Variants in TMEM132C observed in about 807,000 individuals in gnomAD.
TMEM132C encodes transmembrane protein 132C, also known as protein phosphatase 1, regulatory subunit 152.
Under a neutral mutation model 61.4 loss-of-function variants are expected in TMEM132C, and 29 were observed. That is an observed-to-expected ratio of 0.47 (90% confidence interval 0.35 to 0.64). TMEM132C has a LOEUF of 0.64. Among genes scored for constraint, TMEM132C ranks in the 30% least tolerant of loss-of-function variants. TMEM132C has a pLI of 0.00. For missense variants in TMEM132C, 1,408 were observed against 1,476.9 expected (o/e 0.95, Z 0.76); for synonymous variants, 656 against 633.1 (o/e 1.04, Z -0.54).
At chr12:128,412,304 C>A (rs1868586513) in intron 1 of TMEM132C, among the ~76,000 whole-genome samples, 1 of 152,208 alleles carries the variant, frequency 6.6e-6, no homozygotes, top group Non-Finnish European at 1.5e-5. Context: ...TTCTCCCCAT[C>A]TTCAGCCCCC....
chr12:128,584,024 G>A (rs1482875408), intron 3 of TMEM132C, among the ~76,000 whole-genome samples: 2 of 152,222 alleles, frequency 1.3e-5, no homozygotes, highest in African/African-American at 4.8e-5. Context: ...TGCTGGCTGT[G>A]CATTTCAGGT....
chr12:128,669,307 C>A, intron 4 of TMEM132C, 110 bp from the exon 5 acceptor site: 1 of 1,338,958 alleles, frequency 7.5e-7, no homozygotes, highest in Non-Finnish European at 1.0e-6. Flanking sequence ...GTGTCTTGTA[C>A]AAACAAGGAC....
intron 1 of TMEM132C, among the ~76,000 whole-genome samples, chr12:128,321,750 G>C (rs1872341970): frequency 6.6e-6 from 1 of 152,120 alleles, no homozygotes; most frequent in Non-Finnish European, 1.5e-5. Flanking sequence ...GGAGAAACTG[G>C]GTAGAGAGTC....
intron 1 of TMEM132C, among the ~76,000 whole-genome samples, chr12:128,347,668 T>C (rs1428956854): frequency 1.3e-5 from 2 of 152,202 alleles, no homozygotes; most frequent in East Asian, 3.9e-4. Context: ...GGTCAGGTGA[T>C]CCACCCGCCT....
At chr12:128,594,878 A>C (rs542839255) in intron 3 of TMEM132C, among the ~76,000 whole-genome samples, 3 of 152,258 alleles carry the variant, frequency 2.0e-5, no homozygotes, top group Admixed American at 2.0e-4. Flanking sequence ...GCTTTTTCTA[A>C]ATTGGAGGTC....
intron 1 of TMEM132C, among the ~76,000 whole-genome samples, chr12:128,359,405 G>T (rs1873625123): frequency 6.6e-6 from 1 of 152,068 alleles, no homozygotes. Context: ...CCAGCATGGG[G>T]GAAACTGCCT....
intron 1 of TMEM132C, among the ~76,000 whole-genome samples, chr12:128,346,678 G>C (rs931601371): frequency 1.3e-5 from 2 of 152,102 alleles, no homozygotes. Context: ...ATGGGAATAG[G>C]TTCCTGATTT....
intron 5 of TMEM132C, among the ~76,000 whole-genome samples, chr12:128,675,477 T>A (rs1291370534): frequency 2.0e-5 from 3 of 152,258 alleles, no homozygotes; most frequent in African/African-American, 7.2e-5. Flanking sequence ...ATTCAAATTT[T>A]GCTTAACATT....
chr12:128,478,994 A>G (rs879523074), intron 2 of TMEM132C, among the ~76,000 whole-genome samples: 4 of 152,242 alleles, frequency 2.6e-5, no homozygotes, highest in Admixed American at 2.6e-4. Context: ...AAACCAAATC[A>G]TCCAGGATCT....
intron 2 of TMEM132C, among the ~76,000 whole-genome samples, chr12:128,522,413 T>G (rs1872937321): frequency 6.6e-6 from 1 of 152,264 alleles, no homozygotes. Context: ...CTGCCTTCTC[T>G]GCAGTTGTCC....
intron 1 of TMEM132C, among the ~76,000 whole-genome samples, chr12:128,325,982 C>T (rs561644380): frequency 6.1e-4 from 93 of 152,108 alleles, no homozygotes; most frequent in Non-Finnish European, 8.1e-4. Flanking sequence ...TCGTTGCACA[C>T]GTGCGGAGGT....
chr12:128,356,448 A>C (rs1873507924), intron 1 of TMEM132C, among the ~76,000 whole-genome samples: 1 of 152,224 alleles, frequency 6.6e-6, no homozygotes, highest in African/African-American at 2.4e-5. Context: ...ACCTGCAGAA[A>C]CATAATATTA....
intron 1 of TMEM132C, among the ~76,000 whole-genome samples, chr12:128,380,734 G>A (rs1822463090): frequency 1.3e-5 from 2 of 152,182 alleles, no homozygotes; most frequent in African/African-American, 4.8e-5. Flanking sequence ...AACACAGCAA[G>A]ACCCCATCTC....
chr12:128,495,926 C>T (rs1383349347), intron 2 of TMEM132C, among the ~76,000 whole-genome samples: 1 of 152,134 alleles, frequency 6.6e-6, no homozygotes, highest in Non-Finnish European at 1.5e-5. Flanking sequence ...TCTTCCTAGC[C>T]TCGATGGTCT....
At chr12:128,332,379 G>A (rs935098313) in intron 1 of TMEM132C, among the ~76,000 whole-genome samples, 19 of 152,144 alleles carry the variant, frequency 1.2e-4, no homozygotes, top group African/African-American at 3.1e-4. Context: ...AAATATTAAT[G>A]TTAAGAGCCA....
intron 2 of TMEM132C, among the ~76,000 whole-genome samples, chr12:128,531,261 G>C (rs975032084): frequency 7.3e-6 from 1 of 136,716 alleles, no homozygotes; most frequent in Non-Finnish European, 1.6e-5. Context: ...GTCACTGATA[G>C]GGAAGTTTTC....
Position 128,637,705 on chromosome 12 carries a change from T to C in TMEM132C, c.1305+21370T>C, listed in dbSNP as rs141175537. Among the ~76,000 whole-genome samples the C allele has an allele frequency of 1.4e-3, 210 of 152,264 alleles. 1 individual carries two copies. The highest frequency in any genetic ancestry group is 9.1e-3 in the South Asian group (44 of 4,822). Reference sequence around the variant, plus strand: ...TCTCATTTTTAAGGCATCTCCCCCATGTTCCTCTCGCCACGATACAAACCT... The same window carrying C: ...TCTCATTTTTAAGGCATCTCCCCCACGTTCCTCTCGCCACGATACAAACCT... On this transcript the variant is annotated intron_variant, in intron 4 of 8. Coordinates refer to ENST00000435159, the MANE Select transcript of TMEM132C (RefSeq NM_001136103.3).
intron 2 of TMEM132C, among the ~76,000 whole-genome samples, chr12:128,473,602 ATCTTCATCTTCACTCCAGCCTCTG>A (rs1871055382): frequency 5.2e-5 from 2 of 38,316 alleles, no homozygotes; most frequent in East Asian, 6.6e-4. Context: ...TCCAGCCTCT[ATCTTCATCTTCACTCCAGCCTCTG>A]TCTTCATCTT....
At chr12:128,465,304 T>G (rs2136074554) in intron 2 of TMEM132C, among the ~76,000 whole-genome samples, 1 of 151,970 alleles carries the variant, frequency 6.6e-6, no homozygotes, top group South Asian at 2.1e-4. Context: ...ATTCAAGCCA[T>G]TCTCCTGACT....
Sources: gnomAD v4.1 joint callset for allele counts (sites outside exome capture counted in the v4.1 genomes callset) on GRCh38, gnomAD v4.1.1 for gene constraint, MANE v1.5 for transcripts, NCBI Gene and HGNC (gene_info 2026-07-23, HGNC 2026-07-21) for gene names.